ERAP1: variants seen among roughly 807,000 people sequenced by gnomAD.
ERAP1 encodes adipocyte-derived leucine aminopeptidase.
In ERAP1, 86 loss-of-function variants were observed where a neutral mutation model predicts 103.7. The ratio of observed to expected loss-of-function variants is 0.83; its 90% CI spans 0.70 to 0.99. The LOEUF is 0.99. ERAP1 is among the 50% of genes least tolerant of loss of function. ERAP1 has a pLI of 0.00. For missense variants in ERAP1, 1,009 were observed against 1,128.4 expected (o/e 0.89, Z 1.52); for synonymous variants, 398 against 402.4 (o/e 0.99, Z 0.13).
At chr5:96,786,698 G>A in intron 11 of ERAP1, 149 bp from the exon 12 acceptor site, 1 of 628,040 alleles carries the variant, frequency 1.6e-6, no homozygotes. Flanking sequence ...TCCCCAGTCT[G>A]TTTTCCAGCT....
At chr5:96,783,856 T>G (rs442120) in intron 14 of ERAP1, 68 bp downstream of exon 14, 3 of 351,748 alleles carry the variant, frequency 8.5e-6, no homozygotes, top group Non-Finnish European at 1.1e-5. Flanking sequence ...CACACACACA[T>G]ACACACACAA....
chr5:96,783,405 A>G (rs564105089), intron 14 of ERAP1, among the ~76,000 whole-genome samples, 170 bp from the exon 15 acceptor site: 1 of 151,350 alleles, frequency 6.6e-6, no homozygotes, highest in African/African-American at 2.4e-5. Flanking sequence ...AAAACAATAA[A>G]TAATGATGAA....
the ERAP1 span, chr5:96,915,952 G>C: frequency 2.1e-6 from 1 of 473,196 alleles, no homozygotes; most frequent in Non-Finnish European, 3.7e-6. Flanking sequence ...GCCAGGCACA[G>C]TGGCTCACAC....
chr5:96,766,012 A>T (rs762545731), intron 19 of ERAP1: 1 of 1,103,192 alleles, frequency 9.1e-7, no homozygotes, highest in Non-Finnish European at 1.4e-6. Context: ...TAAGTGAAAG[A>T]GGAAATGAAT....
At position 96,769,375 on chromosome 5, in the gene ERAP1, C is replaced by G. The variant is rs959561605; in HGVS notation, c.2819-6147G>C. 6.0e-5 allele frequency: 9 copies of G among 149,280 alleles called. No individual in the cohort carries two copies. In the South Asian group the frequency reaches 1.9e-3, roughly 32 times the overall value. 9.2% of individuals were successfully genotyped at this position (149,280 alleles called of 1,614,324 possible). Reference sequence around the variant, plus strand: ...CATTGTTCATTTCTCTCCCATAACACTGAAAACAGGGTTTTTTTTTGTTTT... The same window carrying G: ...CATTGTTCATTTCTCTCCCATAACAGTGAAAACAGGGTTTTTTTTTGTTTT... On this transcript the variant is annotated intron_variant, in intron 19 of 19. Coordinates refer to the ERAP1 transcript ENST00000296754.
chr5:96,892,472 A>AT, the ERAP1 span: 1 of 1,613,202 alleles, frequency 6.2e-7, no homozygotes, highest in Non-Finnish European at 8.5e-7. Context: ...CACTCATGAC[A>AT]TTATCTCGAT....
the ERAP1 span, chr5:96,896,373 G>T: frequency 1.2e-6 from 2 of 1,607,462 alleles, no homozygotes; most frequent in Middle Eastern, 1.7e-4. Context: ...CCCTGTTTAG[G>T]ATGACTATTT....
the ERAP1 span, among the ~76,000 whole-genome samples, chr5:96,824,566 AT>A: frequency 6.6e-6 from 1 of 151,882 alleles, no homozygotes; most frequent in African/African-American, 2.4e-5. Flanking sequence ...ACCTTCTTTC[AT>A]TTCCATAAGC....
the ERAP1 span, among the ~76,000 whole-genome samples, chr5:96,819,984 C>A: frequency 2.0e-5 from 3 of 152,160 alleles, no homozygotes; most frequent in African/African-American, 7.2e-5. Context: ...TGAACAGATG[C>A]AAGAGAAGGA....
chr5:96,787,387 T>C (rs145979674), intron 11 of ERAP1, among the ~76,000 whole-genome samples: 13,945 of 152,190 alleles, frequency 0.092, 852 homozygotes, highest in Middle Eastern at 0.16. Context: ...TGCCTCACCC[T>C]CCTGAGTAGC....
chr5:96,869,765 TC>T, the ERAP1 span, among the ~76,000 whole-genome samples: 1 of 152,142 alleles, frequency 6.6e-6, no homozygotes, highest in Non-Finnish European at 1.5e-5. Context: ...CAGACATCTA[TC>T]CACATTGAAA....
At chr5:96,868,102 C>G in the ERAP1 span, among the ~76,000 whole-genome samples, 1 of 151,814 alleles carries the variant, frequency 6.6e-6, no homozygotes, top group African/African-American at 2.4e-5. Context: ...AACAAACAAA[C>G]AAAAAAACTC....
At chr5:96,762,288 T>G (rs775316398) in exon 20 of ERAP1, 1 of 1,607,214 alleles carries the variant, frequency 6.2e-7, no homozygotes, top group Non-Finnish European at 8.5e-7. Flanking sequence ...TTGAAGATGC[T>G]AAACTTGCTG....
the ERAP1 span, among the ~76,000 whole-genome samples, chr5:96,890,994 A>G: frequency 3.3e-5 from 5 of 152,212 alleles, no homozygotes; most frequent in African/African-American, 7.2e-5. Context: ...TAGAGCAGAT[A>G]TAAGTCCCAC....
chr5:96,831,980 T>G, the ERAP1 span, among the ~76,000 whole-genome samples: 4 of 152,226 alleles, frequency 2.6e-5, no homozygotes, highest in African/African-American at 4.8e-5. Context: ...GATAAAGTAA[T>G]TAGAACTTTT....
At chr5:96,776,676 G>A (rs1774362292) in intron 18 of ERAP1, 125 bp from the exon 19 acceptor site, 1 of 1,357,714 alleles carries the variant, frequency 7.4e-7, no homozygotes, top group East Asian at 2.5e-5. Flanking sequence ...AGTCCCAGCT[G>A]TCTGAATAGG....
the ERAP1 span, chr5:96,902,195 C>G: frequency 1.0e-6 from 1 of 979,854 alleles, no homozygotes. Flanking sequence ...GTGCCTTTTA[C>G]AGTCTGTCTG....
the ERAP1 span, chr5:96,883,675 G>C: frequency 6.7e-5 from 68 of 1,019,054 alleles, no homozygotes; most frequent in East Asian, 7.6e-4. Context: ...AAAGATTGCA[G>C]TTTGAGAAAT....
At chr5:96,857,023 G>T in the ERAP1 span, among the ~76,000 whole-genome samples, 1 of 152,092 alleles carries the variant, frequency 6.6e-6, no homozygotes, top group Non-Finnish European at 1.5e-5. Flanking sequence ...TCAAGTTCAT[G>T]CCTCACCACA....
Sources: gnomAD v4.1 joint callset for allele counts (sites outside exome capture counted in the v4.1 genomes callset) on GRCh38, gnomAD v4.1.1 for gene constraint, MANE v1.5 for transcripts, NCBI Gene and HGNC (gene_info 2026-07-23, HGNC 2026-07-21) for gene names.